DEPDC5: variants seen among roughly 807,000 people sequenced by gnomAD.
DEPDC5 encodes the protein DEP domain containing 5, GATOR1 subcomplex subunit, also known as GATOR1 complex protein DEPDC5.
Under a neutral mutation model 217.3 loss-of-function variants are expected in DEPDC5, and 73 were observed. That is an observed-to-expected ratio of 0.34 (90% CI 0.28 to 0.41). DEPDC5 has a LOEUF of 0.41. Among genes scored for constraint, DEPDC5 ranks in the 10% least tolerant of loss-of-function variants. The probability of loss-of-function intolerance (pLI) is 1.00; values close to 1 mark genes in which losing one functional copy is unlikely to be tolerated. For missense variants in DEPDC5, 1,675 were observed against 2,070.1 expected (o/e 0.81, Z 3.70); for synonymous variants, 733 against 756.7 (o/e 0.97, Z 0.51).
intron 7 of DEPDC5, among the ~76,000 whole-genome samples, chr22:31,774,055 G>T (rs1305924544): frequency 1.3e-5 from 2 of 151,908 alleles, no homozygotes; most frequent in African/African-American, 4.8e-5. Flanking sequence ...TGGGCAACAA[G>T]AACGAAACCC....
At position 31,819,190 on chromosome 22, in the gene DEPDC5, C is replaced by G. The variant is rs1333716734; in HGVS notation, c.1835C>G (p.Ser612Cys). 6.2e-7 allele frequency: 1 copy of G among 1,614,036 alleles called. No individual in the cohort carries two copies. The highest frequency in any genetic ancestry group is 2.2e-5 in the East Asian group (1 of 44,896). The change falls in exon 22 of 43, where the codon TCC (serine) becomes TGC (cysteine). Residue 612 changes from serine to cysteine, a missense_variant. This residue lies in a region of DEPDC5 where 8 missense variants were observed against 28.1 expected (regional missense o/e 0.28). Coordinates refer to ENST00000651528, the MANE Select transcript of DEPDC5 (RefSeq NM_001242896.3). ...APSRMPMKLT[S>C]NRRRWMHTFP... is the part of the protein sequence containing the mutation. ...TCTCGGATGCCCATGAAGCTTACGTCCAACAGAAGGCGCTGGATGCACACT... is the reference window on the plus strand; with the variant it reads ...TCTCGGATGCCCATGAAGCTTACGTGCAACAGAAGGCGCTGGATGCACACT...
chr22:31,793,268 G>C (rs1413297571), intron 12 of DEPDC5, among the ~76,000 whole-genome samples: 3 of 152,012 alleles, frequency 2.0e-5, no homozygotes, highest in African/African-American at 7.2e-5. Context: ...AGGAAATTCA[G>C]ATGTTTTTTA....
chr22:31,834,028 G>A lies in DEPDC5; in HGVS notation c.2170+48G>A, dbSNP rs757691249. 35 of 1,581,676 alleles carry A rather than the reference G, an allele frequency of 2.2e-5. 1 individual carries two copies. The highest frequency in any genetic ancestry group is 2.1e-4 in the South Asian group (19 of 90,422). On this transcript the variant is annotated intron_variant, in intron 25 of 42. Transcript: ENST00000651528. Reference sequence around the variant, plus strand: ...GGAAAGGGGTAGACAGGGAGTGTGGGGTGGTCAGAGCATGAGGAAACAAGA... The same window carrying A: ...GGAAAGGGGTAGACAGGGAGTGTGGAGTGGTCAGAGCATGAGGAAACAAGA...
chr22:31,801,576 G>A (rs1381846577), intron 14 of DEPDC5, among the ~76,000 whole-genome samples: 1 of 152,186 alleles, frequency 6.6e-6, no homozygotes, highest in Non-Finnish European at 1.5e-5. Context: ...GAGCAGCCAG[G>A]AAAGGCTCAA....
In DEPDC5 at chr22:31,857,454, A is replaced by T. The variant is rs1459981041; in HGVS notation, c.3165A>T (p.Gly1055=). 1 of 1,606,690 alleles carries T rather than the reference A, an allele frequency of 6.2e-7. No homozygotes were observed. Among genetic ancestry groups the T allele is most frequent in the African/African-American group, 1.3e-5 (1 of 74,826 alleles). The change falls in exon 32 of 43, where the codon GGA becomes GGT. Residue 1055 remains glycine (G), a synonymous_variant. Coordinates refer to ENST00000651528, the MANE Select transcript of DEPDC5 (RefSeq NM_001242896.3). ...CTTTTCCTCCTTTCAGGTGCCTGGG[A>T]GAACAGCAGGCAGCTGTGCATGGTG... ...LEMEASQKCL[G]EQQAAVHGGK... is the part of the protein sequence containing the mutation.
intron 33 of DEPDC5, among the ~76,000 whole-genome samples, chr22:31,869,517 A>G (rs2092781291): frequency 6.8e-6 from 1 of 148,000 alleles, no homozygotes; most frequent in Admixed American, 6.9e-5. Flanking sequence ...GTGAGCCGAG[A>G]TTGCGCCACT....
intron 6 of DEPDC5, among the ~76,000 whole-genome samples, chr22:31,767,697 G>T (rs1787221025): frequency 6.6e-6 from 1 of 152,074 alleles, no homozygotes; most frequent in South Asian, 2.1e-4. Flanking sequence ...CTCCCAAAGT[G>T]CTAGGATTAT....
Position 31,826,598 on chromosome 22 carries a change from C to T in DEPDC5, c.2104+3808C>T, listed in dbSNP as rs189132262. 39 of 340,076 alleles carry T rather than the reference C, an allele frequency of 1.1e-4. No individual in the cohort carries two copies. In the Admixed American group the frequency reaches 1.4e-3, roughly 12 times the overall value. 21.1% of individuals were successfully genotyped at this position (340,076 alleles called of 1,614,324 possible). A position where few individuals can be genotyped will look rare whatever the true frequency, so the allele number is the denominator to read the frequency against. On this transcript the variant is annotated intron_variant, in intron 24 of 42. Transcript: ENST00000651528. Reference sequence around the variant, plus strand: ...AATACCTCTTCTTTGAAGCCTGCCCCGGTGGTTCCCCCTCCTTCCCATGCC... The same window carrying T: ...AATACCTCTTCTTTGAAGCCTGCCCTGGTGGTTCCCCCTCCTTCCCATGCC...
intron 18 of DEPDC5, among the ~76,000 whole-genome samples, chr22:31,806,402 G>C (rs2087545253): frequency 6.6e-6 from 1 of 152,160 alleles, no homozygotes; most frequent in African/African-American, 2.4e-5. Context: ...TTAGTCCTGA[G>C]GTACCCTCAT....
intron 1 of DEPDC5, among the ~76,000 whole-genome samples, 196 bp downstream of exon 1, chr22:31,754,360 G>A (rs545019899): frequency 6.6e-5 from 10 of 152,380 alleles, no homozygotes; most frequent in Non-Finnish European, 8.8e-5. Flanking sequence ...CACAGACCGA[G>A]GTTTGGGGAA....
Position 31,797,596 on chromosome 22 carries a change from T to G in DEPDC5, c.768-4T>G. 6.2e-7 allele frequency: 1 copy of G among 1,607,756 alleles called. No individual in the cohort carries two copies. Among genetic ancestry groups the G allele is most frequent in the Non-Finnish European group, 8.5e-7 (1 of 1,174,246 alleles). ...TATCCATTTTATGATAATACTCTTT[T>G]CAGAGTGGTGGTGCAGAATGAGAGA... On this transcript the variant is annotated splice_region_variant and splice_polypyrimidine_tract_variant and intron_variant, in intron 12 of 42. Transcript: ENST00000651528.
At chr22:31,844,649 T>G (rs901042501) in intron 29 of DEPDC5, 3 of 224,934 alleles carry the variant, frequency 1.3e-5, no homozygotes, top group Non-Finnish European at 2.6e-5. Flanking sequence ...AGAAGCATTC[T>G]GATATCTCTG....
At chr22:31,815,338 A>G in intron 21 of DEPDC5, 126 bp downstream of exon 21, 1 of 956,950 alleles carries the variant, frequency 1.0e-6, no homozygotes, top group South Asian at 1.4e-5. Flanking sequence ...TTGCCAGTGC[A>G]GTAGGTACAA....
chr22:31,800,480 T>C (rs2086752972), intron 14 of DEPDC5, among the ~76,000 whole-genome samples: 1 of 152,152 alleles, frequency 6.6e-6, no homozygotes, highest in Non-Finnish European at 1.5e-5. Context: ...TCTTGGGTCT[T>C]CTGTTGGCCA....
chr22:31,781,714 GCCA>G, intron 8 of DEPDC5, among the ~76,000 whole-genome samples: 1 of 151,704 alleles, frequency 6.6e-6, no homozygotes, highest in East Asian at 2.0e-4. Flanking sequence ...ACAGGCATGA[GCCA>G]CCACACCTGG....
chr22:31,857,384 C>A, intron 31 of DEPDC5, 61 bp from the exon 32 acceptor site: 1 of 1,440,430 alleles, frequency 6.9e-7, no homozygotes. Flanking sequence ...TCTTGGCCGA[C>A]ATGGATCCTT....
intron 7 of DEPDC5, among the ~76,000 whole-genome samples, chr22:31,770,119 A>G (rs2083204081): frequency 2.0e-5 from 3 of 149,664 alleles, no homozygotes; most frequent in Middle Eastern, 3.3e-3. Flanking sequence ...CTGTAGTCCC[A>G]GCTACTCAGG....
rs764605972 is a variant in DEPDC5, at chr22:31,766,535, T to C, written c.280-50T>C. ...GTAAGTGGGCATTACCTTCTGACTA[T>C]AAAGTGTGGCAAAGTAATGTCAGAG... On this transcript the variant is annotated intron_variant, in intron 5 of 42. Transcript: ENST00000651528. 6 of 1,586,076 alleles carry C rather than the reference T, an allele frequency of 3.8e-6. No homozygotes were observed. In the African/African-American group the frequency reaches 8.1e-5, roughly 21 times the overall value.
Position 31,821,700 on chromosome 22 carries a change from G to A in DEPDC5, c.2006+63G>A. On this transcript the variant is annotated intron_variant, in intron 23 of 42. Coordinates refer to ENST00000651528, the MANE Select transcript of DEPDC5 (RefSeq NM_001242896.3). ...AACACTCTCCAGCACCCAGGACAAT[G>A]TGCAGAACAGACTATTGACAAAATG... 1.9e-6 allele frequency: 3 copies of A among 1,580,480 alleles called. No individual in the cohort carries two copies. In the South Asian group the frequency reaches 3.4e-5, roughly 18 times the overall value.
Sources: allele counts gnomAD v4.1 joint callset (sites outside exome capture counted in the v4.1 genomes callset), GRCh38; gene constraint gnomAD v4.1.1; regional missense constraint gnomAD v4.1.1; transcripts MANE v1.5; gene names NCBI Gene and HGNC (gene_info 2026-07-23, HGNC 2026-07-21).